The following RPS6KA5 variants were observed in gnomAD, a reference collection of about 807,000 sequenced individuals.
RPS6KA5 encodes the protein ribosomal protein S6 kinase A5, also known as ribosomal protein S6 kinase alpha-5.
Under a neutral mutation model 85.5 loss-of-function variants are expected in RPS6KA5, and 27 were observed. The observed-to-expected ratio is 0.32, with a 90% CI of 0.23 to 0.44. The LOEUF is 0.44. Among genes scored for constraint, RPS6KA5 ranks in the 20% least tolerant of loss-of-function variants. RPS6KA5 has a pLI of 1.00. For synonymous variants in RPS6KA5, 334 were observed against 348.2 expected (o/e 0.96, Z 0.46); for missense variants, 811 against 980.9 (o/e 0.83, Z 2.31).
At chr14:90,923,651 G>C (rs1452274075) in intron 5 of RPS6KA5, among the ~76,000 whole-genome samples, 1 of 151,812 alleles carries the variant, frequency 6.6e-6, no homozygotes, top group Non-Finnish European at 1.5e-5. Context: ...AACTTGAAGG[G>C]GTAGGAAAGA....
chr14:90,935,366 G>A (rs542754240), intron 5 of RPS6KA5, among the ~76,000 whole-genome samples: 52 of 152,312 alleles, frequency 3.4e-4, no homozygotes, highest in African/African-American at 1.2e-3. Flanking sequence ...AATCTGAAAT[G>A]TAAACAGTAC....
chr14:91,042,951 T>C (rs1379118998), intron 1 of RPS6KA5, among the ~76,000 whole-genome samples: 1 of 152,070 alleles, frequency 6.6e-6, no homozygotes, highest in African/African-American at 2.4e-5. Flanking sequence ...TCTGGCTAAG[T>C]CCCTCTCTTT....
chr14:91,049,343 G>A (rs925660180), intron 1 of RPS6KA5, among the ~76,000 whole-genome samples: 23 of 152,150 alleles, frequency 1.5e-4, no homozygotes, highest in African/African-American at 5.1e-4. Context: ...GGCCGGGCGC[G>A]GTGGCTCACG....
chr14:90,975,052 A>C (rs2039501860), intron 3 of RPS6KA5, among the ~76,000 whole-genome samples: 1 of 152,188 alleles, frequency 6.6e-6, no homozygotes, highest in African/African-American at 2.4e-5. Flanking sequence ...ATATATACTG[A>C]TAACAGAGGG....
intron 1 of RPS6KA5, among the ~76,000 whole-genome samples, chr14:91,016,753 G>T (rs575271873): frequency 4.6e-5 from 7 of 151,756 alleles, no homozygotes; most frequent in South Asian, 4.1e-4. Flanking sequence ...TCAACTTATG[G>T]ACTATCACCA....
At chr14:91,020,580 GTGTTTATA>G (rs2041712488) in intron 1 of RPS6KA5, among the ~76,000 whole-genome samples, 1 of 105,398 alleles carries the variant, frequency 9.5e-6, no homozygotes, top group African/African-American at 3.5e-5. Flanking sequence ...GTGTGTGTGT[GTGTTTATA>G]TGTGTATGTG....
At chr14:91,015,098 T>C (rs2041430737) in intron 1 of RPS6KA5, among the ~76,000 whole-genome samples, 1 of 152,222 alleles carries the variant, frequency 6.6e-6, no homozygotes, top group African/African-American at 2.4e-5. Context: ...GAAAAAGATT[T>C]AGGGAGCAAC....
chr14:90,929,631 A>C (rs2036865755), intron 5 of RPS6KA5, among the ~76,000 whole-genome samples: 1 of 152,212 alleles, frequency 6.6e-6, no homozygotes, highest in African/African-American at 2.4e-5. Context: ...AGATCTGAAC[A>C]TTCACTGATG....
chr14:91,016,146 T>A (rs1226203917), intron 1 of RPS6KA5, among the ~76,000 whole-genome samples: 1 of 152,164 alleles, frequency 6.6e-6, no homozygotes, highest in African/African-American at 2.4e-5. Flanking sequence ...TGCTTCTAAT[T>A]TTATGGCAAG....
chr14:91,030,933 C>A (rs897698078), intron 1 of RPS6KA5, among the ~76,000 whole-genome samples: 1 of 151,940 alleles, frequency 6.6e-6, no homozygotes, highest in Non-Finnish European at 1.5e-5. Context: ...TCTTGGAAAT[C>A]CAGTATCTAA....
At chr14:91,049,598 G>C (rs2042991775) in intron 1 of RPS6KA5, among the ~76,000 whole-genome samples, 1 of 151,856 alleles carries the variant, frequency 6.6e-6, no homozygotes, top group Admixed American at 6.6e-5. Context: ...CTGGGCGACA[G>C]AGCAAGACTC....
chr14:91,037,878 T>G (rs1026604258), intron 1 of RPS6KA5, among the ~76,000 whole-genome samples: 1 of 152,228 alleles, frequency 6.6e-6, no homozygotes, highest in Non-Finnish European at 1.5e-5. Flanking sequence ...TAAATGTTCC[T>G]TCTGTTCCTA....
At chr14:91,043,352 T>A (rs2002205991) in intron 1 of RPS6KA5, among the ~76,000 whole-genome samples, 1 of 152,200 alleles carries the variant, frequency 6.6e-6, no homozygotes, top group Admixed American at 6.5e-5. Flanking sequence ...TGGTCAATGA[T>A]GCTAGGATTT....
rs2031842877 is a variant in RPS6KA5 at position 90,848,837 on chromosome 14, C to T, written c.*23237G>A. ...CATCTACTCCCAAAGCAAATCCTATCTATGGACTTCATAGAATCCCTTATA... is the reference window on the plus strand; with the variant it reads ...CATCTACTCCCAAAGCAAATCCTATTTATGGACTTCATAGAATCCCTTATA... On this transcript the variant is annotated 3_prime_UTR_variant, in exon 17 of 17. Transcript: ENST00000614987. 1 of 152,196 alleles carries T rather than the reference C, an allele frequency of 6.6e-6. No homozygotes were observed. 9.4% of individuals were successfully genotyped at this position (152,196 alleles called of 1,614,324 possible).
intron 5 of RPS6KA5, 48 bp downstream of exon 5, chr14:90,943,030 C>T: frequency 9.3e-7 from 1 of 1,071,908 alleles, no homozygotes; most frequent in Non-Finnish European, 1.4e-6. Context: ...AAGTTTTCAT[C>T]CTTGTTTACA....
chr14:91,022,928 T>C (rs1313316160), intron 1 of RPS6KA5, among the ~76,000 whole-genome samples: 2 of 151,668 alleles, frequency 1.3e-5, no homozygotes, highest in East Asian at 3.9e-4. Context: ...CTACTAAAAA[T>C]GTAAAAATTA....
At chr14:91,050,336 A>G (rs570114347) in intron 1 of RPS6KA5, among the ~76,000 whole-genome samples, 1 of 151,122 alleles carries the variant, frequency 6.6e-6, no homozygotes, top group South Asian at 2.1e-4. Context: ...AACTATTATC[A>G]CCACTGTATT....
rs1310049679 is a variant in RPS6KA5 at position 90,868,090 on chromosome 14, A to G, written c.*3984T>C. On this transcript the variant is annotated 3_prime_UTR_variant, in exon 17 of 17. Transcript: ENST00000614987. Reference sequence around the variant, plus strand: ...ACGTAAATAACTACTCTTAAGGAAAATATTTTCTCTAAAGAATGTCACAAT... The same window carrying G: ...ACGTAAATAACTACTCTTAAGGAAAGTATTTTCTCTAAAGAATGTCACAAT... The G allele has an allele frequency of 6.6e-6, 1 of 152,222 alleles. No individual in the cohort carries two copies. Among genetic ancestry groups the G allele is most frequent in the African/African-American group, 2.4e-5 (1 of 41,458 alleles). The allele number at this position is 152,222 out of a possible 1,614,324, so 9.4% of individuals were successfully genotyped here.
At chr14:90,874,035 G>A (rs963145009) in intron 15 of RPS6KA5, among the ~76,000 whole-genome samples, 5 of 152,192 alleles carry the variant, frequency 3.3e-5, no homozygotes, top group African/African-American at 9.6e-5. Flanking sequence ...TTTTCAATCA[G>A]GAGAAAATAA....
Sources: allele counts gnomAD v4.1 joint callset (sites outside exome capture counted in the v4.1 genomes callset), GRCh38; gene constraint gnomAD v4.1.1; transcripts MANE v1.5; gene names NCBI Gene and HGNC (gene_info 2026-07-23, HGNC 2026-07-21).